The following RSPO3 variants were observed in gnomAD, a reference collection of about 807,000 sequenced individuals.
RSPO3 encodes R-spondin 3, also known as R-spondin-3.
RSPO3 carries 17 observed loss-of-function variants against 36.5 expected under a neutral mutation model. The observed-to-expected ratio is 0.47, with a 90% CI of 0.32 to 0.70. RSPO3 has a LOEUF of 0.70. Among genes scored for constraint, RSPO3 ranks in the 30% least tolerant of loss-of-function variants. The pLI is 0.04. For synonymous variants in RSPO3, 108 were observed against 107.0 expected, an observed-to-expected ratio of 1.01 and a Z score of -0.06; for missense variants, 294 against 322.5, an observed-to-expected ratio of 0.91 and a Z score of 0.68.
At chr6:127,193,467 T>C (rs1238238497) in intron 4 of RSPO3, among the ~76,000 whole-genome samples, 3 of 152,198 alleles carry the variant, frequency 2.0e-5, no homozygotes, top group Non-Finnish European at 4.4e-5. Flanking sequence ...TCTGGATGAT[T>C]TCCATAAAAA....
At chr6:127,177,896 G>GTT (rs1040412831) in intron 4 of RSPO3, among the ~76,000 whole-genome samples, 10 of 147,050 alleles carry the variant, frequency 6.8e-5, no homozygotes, top group African/African-American at 2.5e-4. Flanking sequence ...AGTTCTCTTG[G>GTT]TTTTTTTTTT....
intron 2 of RSPO3, among the ~76,000 whole-genome samples, chr6:127,150,186 T>TATAC (rs775035980): frequency 2.1e-3 from 319 of 149,530 alleles, no homozygotes; most frequent in Non-Finnish European, 3.7e-3. Context: ...TATATATATA[T>TATAC]ACACACACAC....
intron 4 of RSPO3, among the ~76,000 whole-genome samples, chr6:127,168,009 A>G (rs1562249637): frequency 1.3e-5 from 2 of 151,956 alleles, no homozygotes. Flanking sequence ...CCAGTCTGTC[A>G]TTATTGGGTT....
chr6:127,139,426 T>C (rs2114563973), intron 1 of RSPO3, among the ~76,000 whole-genome samples: 1 of 152,306 alleles, frequency 6.6e-6, no homozygotes, highest in South Asian at 2.1e-4. Context: ...GAAGTTTGTT[T>C]CATTCAAGAA....
intron 1 of RSPO3, among the ~76,000 whole-genome samples, chr6:127,130,839 T>C (rs1774036935): frequency 6.6e-6 from 1 of 152,082 alleles, no homozygotes. Flanking sequence ...ATGATGAGTT[T>C]TTTTTTATAT....
At chr6:127,145,746 A>T (rs955104891) in intron 1 of RSPO3, among the ~76,000 whole-genome samples, 1 of 152,194 alleles carries the variant, frequency 6.6e-6, no homozygotes, top group Non-Finnish European at 1.5e-5. Context: ...AAATAATAGT[A>T]GGAAAATATT....
At chr6:127,179,889 C>T (rs2114630344) in intron 4 of RSPO3, among the ~76,000 whole-genome samples, 1 of 151,996 alleles carries the variant, frequency 6.6e-6, no homozygotes, top group East Asian at 1.9e-4. Context: ...ACACACTCTT[C>T]TGCCTCTTCT....
intron 1 of RSPO3, among the ~76,000 whole-genome samples, chr6:127,124,726 A>G (rs1259638857): frequency 6.6e-6 from 1 of 152,110 alleles, no homozygotes; most frequent in Non-Finnish European, 1.5e-5. Context: ...CATGAAGTAC[A>G]GCATATACAT....
chr6:127,135,577 G>A lies in RSPO3; in HGVS notation c.98-13071G>A, dbSNP rs534982697. Among the ~76,000 whole-genome samples, 20 of 152,092 alleles carry A rather than the reference G, an allele frequency of 1.3e-4. No individual in the cohort carries two copies. The South Asian group carries it at 3.1e-3, about 24-fold the overall frequency. ...AAAGGTGATTGGAGAAGAGGATAAG[G>A]AGGGCTCCTAGATTTCTGATTGTAG... On this transcript the variant is annotated intron_variant, in intron 1 of 4. Transcript: ENST00000356698.
rs569309810 is a variant in RSPO3 at position 127,169,385 on chromosome 6, C to T, written c.634+13947C>T. Among the ~76,000 whole-genome samples the T allele has an allele frequency of 5.3e-5, 8 of 151,942 alleles. No homozygotes were observed. The South Asian group carries it at 8.3e-4, about 16-fold the overall frequency. On this transcript the variant is annotated intron_variant, in intron 4 of 4. Transcript: ENST00000356698. Reference sequence around the variant, plus strand: ...TGTGCCAGACATAGTGCTAGGCACACTAGGGTAAATATATTTGCATGTACA... The same window carrying T: ...TGTGCCAGACATAGTGCTAGGCACATTAGGGTAAATATATTTGCATGTACA...
chr6:127,170,639 G>T (rs1226232009), intron 4 of RSPO3, among the ~76,000 whole-genome samples: 3 of 151,794 alleles, frequency 2.0e-5, no homozygotes, highest in South Asian at 2.1e-4. Context: ...AGTGTTCATT[G>T]ATGGATGAAT....
rs192103112 is a variant in RSPO3 at position 127,135,235 on chromosome 6, C to G, written c.98-13413C>G. Among the ~76,000 whole-genome samples the G allele has an allele frequency of 1.2e-4, 18 of 151,928 alleles. 1 individual carries two copies. The highest frequency in any genetic ancestry group is 1.6e-4 in the Non-Finnish European group (11 of 67,948). On this transcript the variant is annotated intron_variant, in intron 1 of 4. Coordinates refer to ENST00000356698, the MANE Select transcript of RSPO3 (RefSeq NM_032784.5). ...AAGAGATCGAGACCATCATAGCCAA[C>G]ATGGTGAAACCCCGTCTCTACTAAA...
chr6:127,119,172 G>A lies in RSPO3; in HGVS notation c.-21G>A. The A allele has an allele frequency of 6.6e-7, 1 of 1,515,302 alleles. No homozygotes were observed. Among genetic ancestry groups the A allele is most frequent in the Non-Finnish European group, 9.1e-7 (1 of 1,093,006 alleles). The allele number at this position is 1,515,302 out of a possible 1,614,324, so 93.9% of individuals were successfully genotyped here. ...AATCAAAAGAAAGAGGAGAAAGGAA[G>A]GGAAGCATTACTGGGTTACTATGCA... is the stretch of plus-strand genomic sequence containing the variant. On this transcript the variant is annotated 5_prime_UTR_variant, in exon 1 of 5. Transcript: ENST00000356698.
intron 4 of RSPO3, among the ~76,000 whole-genome samples, chr6:127,165,309 T>C (rs1774801152): frequency 6.6e-6 from 1 of 152,102 alleles, no homozygotes; most frequent in South Asian, 2.1e-4. Context: ...TAATTATTTC[T>C]TATGGAATAT....
chr6:127,155,721 G>T (rs1343701463), intron 4 of RSPO3, among the ~76,000 whole-genome samples: 1 of 152,006 alleles, frequency 6.6e-6, no homozygotes, highest in African/African-American at 2.4e-5. Context: ...AATCTGCTTT[G>T]CTAGTACTTA....
chr6:127,151,720 G>A (rs1774494077), intron 3 of RSPO3, among the ~76,000 whole-genome samples: 1 of 152,022 alleles, frequency 6.6e-6, no homozygotes, highest in African/African-American at 2.4e-5. Flanking sequence ...GAAAACAACA[G>A]TCTTGAAACA....
At chr6:127,142,089 C>T (rs1248689424) in intron 1 of RSPO3, among the ~76,000 whole-genome samples, 1 of 152,072 alleles carries the variant, frequency 6.6e-6, no homozygotes, top group Non-Finnish European at 1.5e-5. Flanking sequence ...ACATGTGGTT[C>T]TTTCAATAAG....
chr6:127,198,928 C>T lies in RSPO3; in HGVS notation c.*2921C>T, dbSNP rs75607329. ...AAAATGTATAGGCTCTCAGAGGAGA[C>T]AGATTTAACTCTGCTTCTCTAATGT... On this transcript the variant is annotated 3_prime_UTR_variant, in exon 5 of 5. Coordinates refer to ENST00000356698, the MANE Select transcript of RSPO3 (RefSeq NM_032784.5). Among the ~76,000 whole-genome samples the T allele has an allele frequency of 0.034, 5,155 of 152,276 alleles. 118 individuals are homozygous for T. The highest frequency in any genetic ancestry group is 0.062 in the South Asian group (301 of 4,826).
intron 4 of RSPO3, among the ~76,000 whole-genome samples, chr6:127,178,599 T>C (rs139351847): frequency 6.6e-6 from 1 of 151,708 alleles, no homozygotes; most frequent in African/African-American, 2.4e-5. Context: ...AACACACACA[T>C]GTTTTGTGAA....
Sources: allele counts gnomAD v4.1 joint callset (sites outside exome capture counted in the v4.1 genomes callset), GRCh38; gene constraint gnomAD v4.1.1; transcripts MANE v1.5; gene names NCBI Gene and HGNC (gene_info 2026-07-23, HGNC 2026-07-21).